The following ARID4B variants were observed in gnomAD, a reference collection of about 807,000 sequenced individuals.
The protein encoded by ARID4B is AT-rich interaction domain 4B.
In ARID4B, 26 loss-of-function variants were observed where a neutral mutation model predicts 147.5. That is an observed-to-expected ratio of 0.18 (90% CI 0.13 to 0.24). The LOEUF (loss-of-function observed/expected upper bound fraction) is 0.24, where lower values mean the gene tolerates loss of function less well. Among genes scored for constraint, ARID4B ranks in the 10% least tolerant of loss-of-function variants. ARID4B has a pLI of 1.00. For synonymous variants in ARID4B, 512 were observed against 507.9 expected (o/e 1.01, Z -0.11); for missense variants, 1,179 against 1,511.5 (o/e 0.78, Z 3.65).
At chr1:235,243,182 G>A (rs1433779889) in intron 7 of ARID4B, among the ~76,000 whole-genome samples, 1 of 151,914 alleles carries the variant, frequency 6.6e-6, no homozygotes, top group African/African-American at 2.4e-5. Flanking sequence ...TAAAAAAGAT[G>A]CATTTATTTT....
At chr1:235,176,437 C>CAAA (rs34808765) in intron 21 of ARID4B, among the ~76,000 whole-genome samples, 271 of 22,516 alleles carry the variant, frequency 0.012, 33 homozygotes, top group Non-Finnish European at 0.014. Context: ...ACAACATCAC[C>CAAA]AAAAAAAAAA....
intron 5 of ARID4B, 54 bp downstream of exon 5, chr1:235,255,604 TAA>T (rs913556113): frequency 3.6e-6 from 4 of 1,115,502 alleles, no homozygotes; most frequent in East Asian, 2.6e-5. Context: ...TTATTTGTAT[TAA>T]GTTTTCTTTG....
At chr1:235,279,998 A>AATAAATTTAT (rs1435614414) in intron 2 of ARID4B, among the ~76,000 whole-genome samples, 1 of 152,140 alleles carries the variant, frequency 6.6e-6, no homozygotes, top group African/African-American at 2.4e-5. Flanking sequence ...AATGCTTCCT[A>AATAAATTTAT]TCCTCTTGTA....
At chr1:235,218,250 T>C (rs1667223071) in intron 16 of ARID4B, among the ~76,000 whole-genome samples, 2 of 152,154 alleles carry the variant, frequency 1.3e-5, no homozygotes, top group Non-Finnish European at 2.9e-5. Flanking sequence ...ACGCATATAC[T>C]AATAAATATC....
chr1:235,300,253 CA>C (rs1259502582), intron 2 of ARID4B, among the ~76,000 whole-genome samples: 1 of 151,892 alleles, frequency 6.6e-6, no homozygotes, highest in African/African-American at 2.4e-5. Flanking sequence ...CCATCTCTAC[CA>C]AAAAATACAA....
intron 2 of ARID4B, among the ~76,000 whole-genome samples, chr1:235,312,888 G>A (rs542055279): frequency 1.1e-4 from 16 of 152,248 alleles, no homozygotes; most frequent in African/African-American, 3.9e-4. Flanking sequence ...CACAAGAATC[G>A]TTTGAACCTA....
intron 19 of ARID4B, among the ~76,000 whole-genome samples, chr1:235,184,090 T>G (rs1664509473): frequency 1.3e-5 from 2 of 152,224 alleles, no homozygotes; most frequent in Admixed American, 6.5e-5. Context: ...GCTTCATTTT[T>G]CAATGTAATA....
intron 11 of ARID4B, 89 bp downstream of exon 11, chr1:235,229,142 T>A: frequency 7.1e-7 from 1 of 1,401,694 alleles, no homozygotes; most frequent in Non-Finnish European, 9.6e-7. Flanking sequence ...AATACTTATA[T>A]GAGTAATGAC....
rs183272172 is a variant in ARID4B at position 235,193,934 on chromosome 1, G to C, written c.2125+79C>G. ...GGTAGAAAAAACAGTAGTTGGTAAT[G>C]TCACTGAATTACCTTTATAGAACTT... On this transcript the variant is annotated intron_variant, in intron 19 of 23. Coordinates refer to ENST00000264183, the MANE Select transcript of ARID4B (RefSeq NM_016374.6). 137 of 1,084,158 alleles carry C rather than the reference G, an allele frequency of 1.3e-4. No homozygotes were observed. The Admixed American group carries it at 2.9e-3, about 23-fold the overall frequency. The allele number at this position is 1,084,158 out of a possible 1,614,324, so 67.2% of individuals were successfully genotyped here.
rs991429322 is a variant in ARID4B at position 235,234,298 on chromosome 1, G to A, written c.665+115C>T. On this transcript the variant is annotated intron_variant, in intron 9 of 23. Transcript: ENST00000264183. ...GACTCTTTGAAACATTCTGTATGATGAAAAATAAAAGCCTAAGGTAATTGG... is the reference window on the plus strand; with the variant it reads ...GACTCTTTGAAACATTCTGTATGATAAAAAATAAAAGCCTAAGGTAATTGG... 1.4e-4 allele frequency: 100 copies of A among 690,758 alleles called. 2 individuals carry two copies. The South Asian group carries it at 1.6e-3, about 11-fold the overall frequency. The allele number at this position is 690,758 out of a possible 1,614,324, so 42.8% of individuals were successfully genotyped here. A position where few individuals can be genotyped will look rare whatever the true frequency, so the allele number is the denominator to read the frequency against.
At chr1:235,261,635 T>C (rs1408292191) in intron 2 of ARID4B, among the ~76,000 whole-genome samples, 4 of 152,200 alleles carry the variant, frequency 2.6e-5, no homozygotes, top group African/African-American at 9.6e-5. Flanking sequence ...TCTCAAAACT[T>C]TGAAGCCAAA....
At chr1:235,205,797 GA>G (rs1444631098) in intron 17 of ARID4B, among the ~76,000 whole-genome samples, 12 of 152,164 alleles carry the variant, frequency 7.9e-5, no homozygotes, top group African/African-American at 2.9e-4. Context: ...TCAAGTACAT[GA>G]AAAAATGTTG....
chr1:235,249,381 A>G (rs10925230), intron 6 of ARID4B, among the ~76,000 whole-genome samples: 6,100 of 152,248 alleles, frequency 0.04, 456 homozygotes, highest in African/African-American at 0.14. Flanking sequence ...CTACTTTTGT[A>G]TAATACTCAA....
At chr1:235,272,640 T>A (rs1037177578) in intron 2 of ARID4B, among the ~76,000 whole-genome samples, 3 of 152,062 alleles carry the variant, frequency 2.0e-5, no homozygotes, top group Non-Finnish European at 4.4e-5. Flanking sequence ...GAGCATAGCT[T>A]CACATTTGTA....
rs1174879074 is a variant in ARID4B at position 235,181,634 on chromosome 1, A to G, written c.3285T>C (p.Ser1095=). 1 of 1,613,750 alleles carries G rather than the reference A, an allele frequency of 6.2e-7. No homozygotes were observed. Among genetic ancestry groups the G allele is most frequent in the Non-Finnish European group, 8.5e-7 (1 of 1,180,026 alleles). Residue 1095 remains serine, a synonymous_variant, in exon 20 of 24, where the codon AGT becomes AGC. Transcript: ENST00000264183. ...GCTGATTACTACTGCTTGAGCTCACACTGGCATCAAAACCTGCTGGCGAGC... is the reference window on the plus strand; with the variant it reads ...GCTGATTACTACTGCTTGAGCTCACGCTGGCATCAAAACCTGCTGGCGAGC... The part of the protein sequence containing the change: ...GNSSPAGFDA[S]VSSSSSNQPE...
intron 17 of ARID4B, among the ~76,000 whole-genome samples, chr1:235,209,245 T>C (rs957914113): frequency 1.3e-5 from 2 of 152,102 alleles, no homozygotes; most frequent in Non-Finnish European, 2.9e-5. Context: ...GGGGCAGAGG[T>C]GGATCACCTG....
At chr1:235,244,540 T>C (rs1669180478) in intron 7 of ARID4B, among the ~76,000 whole-genome samples, 2 of 152,050 alleles carry the variant, frequency 1.3e-5, no homozygotes, top group African/African-American at 2.4e-5. Context: ...TTGAACTTAC[T>C]AGGATTAAAG....
chr1:235,258,086 CT>C (rs1259881078), intron 3 of ARID4B, among the ~76,000 whole-genome samples: 1 of 152,106 alleles, frequency 6.6e-6, no homozygotes, highest in African/African-American at 2.4e-5. Context: ...AATCCCAGCA[CT>C]TTGGAAGGCC....
chr1:235,222,371 A>G (rs894699156), intron 13 of ARID4B, among the ~76,000 whole-genome samples: 2 of 152,356 alleles, frequency 1.3e-5, no homozygotes, highest in Middle Eastern at 3.4e-3. Flanking sequence ...AGAAATTTGT[A>G]AAGTATTTTA....
Sources: allele counts gnomAD v4.1 joint callset (sites outside exome capture counted in the v4.1 genomes callset), GRCh38; gene constraint gnomAD v4.1.1; transcripts MANE v1.5; gene names NCBI Gene and HGNC (gene_info 2026-07-23, HGNC 2026-07-21).